The following MTMR10 variants were observed in gnomAD, a reference collection of about 807,000 sequenced individuals.
MTMR10 encodes the protein myotubularin-related protein 10.
In MTMR10, 56 loss-of-function variants were observed where a neutral mutation model predicts 88.1. The observed-to-expected ratio is 0.64, with a 90% CI of 0.51 to 0.79. The LOEUF is 0.79. Among genes scored for constraint, MTMR10 ranks in the 30% least tolerant of loss-of-function variants. The pLI is 0.00. For missense variants in MTMR10, 883 were observed against 924.7 expected, an observed-to-expected ratio of 0.95 and a Z score of 0.58; for synonymous variants, 380 against 340.9, an observed-to-expected ratio of 1.11 and a Z score of -1.26.
At position 30,973,112 on chromosome 15, in the gene MTMR10, G is replaced by A. The variant is rs907302997; in HGVS notation, c.474+1202C>T. On this transcript the variant is annotated intron_variant, in intron 5 of 15. Coordinates refer to ENST00000435680, the MANE Select transcript of MTMR10 (RefSeq NM_017762.3). Reference sequence around the variant, plus strand: ...TTTTATGTACAGTCTAATACATCATGAATTCTAAAGTCCTTCTATATAATA... The same window carrying A: ...TTTTATGTACAGTCTAATACATCATAAATTCTAAAGTCCTTCTATATAATA... Among the ~76,000 whole-genome samples, 9 of 152,288 alleles carry A rather than the reference G, an allele frequency of 5.9e-5. No homozygotes were observed. The East Asian group carries it at 1.7e-3, about 29-fold the overall frequency.
At chr15:30,930,484 G>T in the MTMR10 span, 3 of 1,543,870 alleles carry the variant, frequency 1.9e-6, no homozygotes, top group Non-Finnish European at 2.6e-6. Flanking sequence ...GATCCCTGGA[G>T]CCTATTTCCA....
chr15:30,986,765 T>C (rs2030966245), intron 2 of MTMR10, among the ~76,000 whole-genome samples: 1 of 152,196 alleles, frequency 6.6e-6, no homozygotes, highest in Admixed American at 6.5e-5. Flanking sequence ...GGTCACAGTC[T>C]TCTACCTTGT....
chr15:30,962,792 A>T (rs2063419981), intron 6 of MTMR10, among the ~76,000 whole-genome samples: 2 of 152,222 alleles, frequency 1.3e-5, no homozygotes, highest in African/African-American at 4.8e-5. Flanking sequence ...AGTGCAATGA[A>T]GATGCAAAAG....
chr15:30,934,928 T>G (rs1380631427), downstream of MTMR10, among the ~76,000 whole-genome samples: 1 of 152,234 alleles, frequency 6.6e-6, no homozygotes, highest in Non-Finnish European at 1.5e-5. Context: ...TTTCTACAGT[T>G]GATTAATGAG....
intron 2 of MTMR10, among the ~76,000 whole-genome samples, chr15:30,979,733 TTCTCTAGAAGCCAGATTCTTTTAC>T (rs1384099355): frequency 6.6e-6 from 1 of 152,212 alleles, no homozygotes; most frequent in East Asian, 1.9e-4. Context: ...ACAGCCCTTC[TTCTCTAGAAGCCAGATTCTTTTAC>T]TGATGCACGA....
In MTMR10 at chr15:30,943,864, A is replaced by C. The variant is rs932870854; in HGVS notation, c.1549-792T>G. The C allele has an allele frequency of 9.1e-6, 9 of 985,346 alleles. No homozygotes were observed. The African/African-American group carries it at 1.6e-4, about 17-fold the overall frequency. 61.0% of individuals were successfully genotyped at this position (985,346 alleles called of 1,614,324 possible). On this transcript the variant is annotated intron_variant, in intron 14 of 15. Coordinates refer to ENST00000435680, the MANE Select transcript of MTMR10 (RefSeq NM_017762.3). ...CAGTCACATTTAGCAATGTGGAGAAAGGACTCTCATCTCAGCTGATTGATG... is the reference window on the plus strand; with the variant it reads ...CAGTCACATTTAGCAATGTGGAGAACGGACTCTCATCTCAGCTGATTGATG...
rs1258770623 is a variant in MTMR10 at position 30,940,141 on chromosome 15, C to CA, written c.*1328dup. The CA allele has an allele frequency of 5.1e-6, 5 of 985,288 alleles. No individual in the cohort carries two copies. In the African/African-American group the frequency reaches 8.7e-5, roughly 17 times the overall value. 61.0% of individuals were successfully genotyped at this position (985,288 alleles called of 1,614,324 possible). On this transcript the variant is annotated 3_prime_UTR_variant, in exon 16 of 16. Transcript: ENST00000435680. ...TTAGGATGGCAGTTTAAGAAACAGT[C>CA]AAATTTGAAAGTATCCATGTTTTAA...
At chr15:30,922,362 G>A in the MTMR10 span, 1 of 1,590,484 alleles carries the variant, frequency 6.3e-7, no homozygotes, top group South Asian at 1.2e-5. Context: ...CCGGTACTCA[G>A]TAACAAAACA....
intron 14 of MTMR10, chr15:30,946,617 T>C (rs1347850447): frequency 4.7e-6 from 3 of 644,732 alleles, no homozygotes; most frequent in African/African-American, 1.8e-5. Flanking sequence ...GCTTCTGTTG[T>C]TGGTTCGAGG....
the MTMR10 span, among the ~76,000 whole-genome samples, chr15:30,929,779 T>TCATATATAATATATATAAAATATATAA: frequency 8.8e-5 from 2 of 22,734 alleles, no homozygotes; most frequent in African/African-American, 3.0e-4. Flanking sequence ...ATATAATATA[T>TCATATATAATATATATAAAATATATAA]TATATCATAT....
chr15:30,947,226 G>C lies in MTMR10; in HGVS notation c.1452C>G (p.Ser484=), dbSNP rs1364625811. The C allele has an allele frequency of 6.2e-7, 1 of 1,613,960 alleles. No homozygotes were observed. The highest frequency in any genetic ancestry group is 1.1e-5 in the South Asian group (1 of 91,078). ...CATACAACACTGCCAGGTAGGTTTC[G>C]GAGAACTCAAAAGCTGCAGGATATT... ...LEQYPAAFEF[S]ETYLAVLYDS... The change falls in exon 14 of 16, where the codon TCC becomes TCG. Residue 484 remains serine, a synonymous_variant. Transcript: ENST00000435680.
At chr15:30,925,279 A>G in the MTMR10 span, 2 of 1,614,042 alleles carry the variant, frequency 1.2e-6, no homozygotes, top group Non-Finnish European at 1.7e-6. Flanking sequence ...TGGCTGTGCA[A>G]GATGTGAAAC....
At chr15:30,930,648 A>T in the MTMR10 span, 1 of 1,612,868 alleles carries the variant, frequency 6.2e-7, no homozygotes, top group African/African-American at 1.3e-5. Flanking sequence ...GGTGGTGTGG[A>T]ACTCCCAGAG....
chr15:30,925,375 G>A, the MTMR10 span: 7 of 1,289,028 alleles, frequency 5.4e-6, no homozygotes, highest in African/African-American at 1.0e-4. Context: ...GAGCTGTTTT[G>A]AGTGTGTGTT....
chr15:30,948,849 T>C (rs1451422636), intron 12 of MTMR10: 1 of 253,888 alleles, frequency 3.9e-6, no homozygotes, highest in Non-Finnish European at 7.5e-6. Context: ...GAGAAGTGAA[T>C]GGGGAGAGTG....
chr15:30,925,141 C>T, the MTMR10 span: 1 of 1,613,864 alleles, frequency 6.2e-7, no homozygotes, highest in Non-Finnish European at 8.5e-7. Flanking sequence ...TCAAGTGCAT[C>T]ACAGAGGGGC....
chr15:30,940,529 C>T lies in MTMR10; in HGVS notation c.*941G>A, dbSNP rs2063008598. 1.0e-6 allele frequency: 1 copy of T among 985,346 alleles called. No homozygotes were observed. Among genetic ancestry groups the T allele is most frequent in the African/African-American group, 1.7e-5 (1 of 57,218 alleles). The allele number at this position is 985,346 out of a possible 1,614,324, so 61.0% of individuals were successfully genotyped here. A position where few individuals can be genotyped will look rare whatever the true frequency, so the allele number is the denominator to read the frequency against. On this transcript the variant is annotated 3_prime_UTR_variant, in exon 16 of 16. Coordinates refer to ENST00000435680, the MANE Select transcript of MTMR10 (RefSeq NM_017762.3). ...GGGAAGTGCCAGCAATAGTTTACCA[C>T]ACTGGAAATACTGATGGCCAAGCCC...
intron 6 of MTMR10, among the ~76,000 whole-genome samples, chr15:30,961,327 G>A (rs898029667): frequency 2.6e-5 from 4 of 151,828 alleles, no homozygotes; most frequent in African/African-American, 9.7e-5. Flanking sequence ...TCCGCCCCCC[G>A]GGTTCAAGCT....
In MTMR10 at chr15:30,941,954, G is replaced by C; in HGVS notation, c.1850C>G (p.Ala617Gly). ...ACTGTTCTGGCTGTCGGTTTGCTGA[G>C]CTGGATCTGGCTTTGGTTTTAATAT... ...SLILKPKPDP[A>G]QQTDSQNSDT... The change falls in exon 16 of 16, where the codon GCT becomes GGT. Residue 617 changes from alanine (A) to glycine (G), a missense_variant. Ala to Gly is a moderately conservative substitution (Grantham distance 60, BLOSUM62 0). Coordinates refer to ENST00000435680, the MANE Select transcript of MTMR10 (RefSeq NM_017762.3). 1.9e-6 allele frequency: 3 copies of C among 1,614,030 alleles called. No individual in the cohort carries two copies. Among genetic ancestry groups the C allele is most frequent in the Non-Finnish European group, 2.5e-6 (3 of 1,179,908 alleles).
Sources: gnomAD v4.1 joint callset for allele counts (sites outside exome capture counted in the v4.1 genomes callset) on GRCh38, gnomAD v4.1.1 for gene constraint, MANE v1.5 for transcripts, NCBI Gene and HGNC (gene_info 2026-07-23, HGNC 2026-07-21) for gene names.